The following ABLIM3 variants were observed in gnomAD, a reference collection of about 807,000 sequenced individuals.
The protein encoded by ABLIM3 is actin binding LIM protein family member 3, also known as actin-binding LIM protein 3.
Under a neutral mutation model 109.5 loss-of-function variants are expected in ABLIM3, and 61 were observed. That is an observed-to-expected ratio of 0.56 (90% CI 0.45 to 0.69). ABLIM3 has a LOEUF of 0.69. Ranked by LOEUF, ABLIM3 falls within the 30% of genes least tolerant of loss-of-function variation. The probability of loss-of-function intolerance (pLI) is 0.00; values close to 1 mark genes in which losing one functional copy is unlikely to be tolerated. For synonymous variants in ABLIM3, 300 were observed against 324.8 expected (o/e 0.92, Z 0.82); for missense variants, 796 against 889.5 (o/e 0.89, Z 1.34).
intron 13 of ABLIM3, 35 bp from the exon 14 acceptor site, chr5:149,240,641 T>C: frequency 6.4e-7 from 1 of 1,554,830 alleles, no homozygotes; most frequent in Non-Finnish European, 8.9e-7. Context: ...TCTGTGCCTC[T>C]GTTTTCTTTG....
intron 23 of ABLIM3, among the ~76,000 whole-genome samples, 161 bp from the exon 24 acceptor site, chr5:149,258,130 T>C (rs937790545): frequency 3.9e-5 from 6 of 152,186 alleles, no homozygotes; most frequent in African/African-American, 1.4e-4. Context: ...ATTCAACAAA[T>C]ATTCATCACA....
intron 21 of ABLIM3, 137 bp downstream of exon 21, chr5:149,251,556 T>C (rs1159207048): frequency 1.0e-6 from 1 of 957,460 alleles, no homozygotes; most frequent in East Asian, 2.7e-5. Flanking sequence ...GAGTTCTTAC[T>C]CTCTTTCACT....
At chr5:149,251,207 C>A in intron 20 of ABLIM3, 152 bp from the exon 21 acceptor site, 1 of 720,860 alleles carries the variant, frequency 1.4e-6, no homozygotes, top group Non-Finnish European at 2.5e-6. Flanking sequence ...AGGGATATAG[C>A]AGCGAGTTAA....
At chr5:149,208,096 G>C (rs559950170) in intron 6 of ABLIM3, among the ~76,000 whole-genome samples, 1 of 152,366 alleles carries the variant, frequency 6.6e-6, no homozygotes, top group South Asian at 2.1e-4. Flanking sequence ...AAACAGATAT[G>C]CTGCGTTCAT....
intron 4 of ABLIM3, among the ~76,000 whole-genome samples, chr5:149,199,821 C>T (rs976744700): frequency 4.6e-5 from 7 of 152,180 alleles, no homozygotes; most frequent in African/African-American, 1.7e-4. Context: ...TGAGACTCCC[C>T]AGCTGTGGAA....
At chr5:149,252,863 C>A (rs1207567443) in intron 23 of ABLIM3, 26 bp downstream of exon 23, 5 of 1,589,890 alleles carry the variant, frequency 3.1e-6, no homozygotes, top group Non-Finnish European at 4.3e-6. Flanking sequence ...TGAGCAGGAG[C>A]TCTTGGGTTG....
intron 10 of ABLIM3, among the ~76,000 whole-genome samples, chr5:149,236,020 G>T (rs765330879): frequency 2.0e-4 from 31 of 152,224 alleles, no homozygotes; most frequent in Non-Finnish European, 3.5e-4. Context: ...CAGCCAGCCA[G>T]GAAGGTTGCC....
intron 2 of ABLIM3, among the ~76,000 whole-genome samples, chr5:149,182,008 A>G (rs1756511100): frequency 1.3e-5 from 2 of 152,216 alleles, no homozygotes; most frequent in African/African-American, 4.8e-5. Context: ...AAGGCTTCCA[A>G]TTGGAAGGGA....
Position 149,179,495 on chromosome 5 carries a change from G to T in ABLIM3, c.14-3957G>T, listed in dbSNP as rs538464573. 1.0e-3 allele frequency among the ~76,000 whole-genome samples: 155 copies of T among 152,206 alleles called. 1 individual carries two copies. The highest frequency in any genetic ancestry group is 3.4e-3 in the African/African-American group (141 of 41,518). On this transcript the variant is annotated intron_variant, in intron 2 of 23. Coordinates refer to ENST00000309868, the MANE Select transcript of ABLIM3 (RefSeq NM_014945.5). ...TTGTTTCCAGATCAAATTCAGGATG[G>T]GTGAATGTGTAATTGGTTCCCATTG...
intron 3 of ABLIM3, among the ~76,000 whole-genome samples, chr5:149,197,600 C>A (rs1439549324): frequency 3.3e-5 from 5 of 152,190 alleles, no homozygotes; most frequent in Non-Finnish European, 5.9e-5. Flanking sequence ...TTCTAGACTT[C>A]AAATCATCCA....
At chr5:149,244,261 T>A (rs1161456201) in intron 15 of ABLIM3, 1 of 153,090 alleles carries the variant, frequency 6.5e-6, no homozygotes, top group East Asian at 1.9e-4. Flanking sequence ...AGCAGACCGA[T>A]TCTGACACTT....
chr5:149,216,763 G>A (rs1760130032), intron 7 of ABLIM3, 196 bp from the exon 8 acceptor site: 2 of 576,170 alleles, frequency 3.5e-6, no homozygotes, highest in Admixed American at 2.9e-5. Flanking sequence ...TGCCATCAGG[G>A]ATCCATGGAG....
At chr5:149,239,213 G>A (rs373770056) in intron 11 of ABLIM3, 35 bp from the exon 12 acceptor site, 112 of 1,612,334 alleles carry the variant, frequency 6.9e-5, no homozygotes, top group Middle Eastern at 1.6e-4. Context: ...CCTTCTGCTC[G>A]TTCCACAACT....
intron 5 of ABLIM3, among the ~76,000 whole-genome samples, chr5:149,202,286 G>A (rs10060106): frequency 0.061 from 9,326 of 152,240 alleles, 904 homozygotes; most frequent in African/African-American, 0.21. Flanking sequence ...TGATTAGGAG[G>A]TGGAAGAAGG....
At chr5:149,221,968 A>G (rs979302224) in intron 8 of ABLIM3, among the ~76,000 whole-genome samples, 2 of 152,200 alleles carry the variant, frequency 1.3e-5, no homozygotes, top group Admixed American at 1.3e-4. Context: ...GCACATTTTA[A>G]AACAATTCGC....
At chr5:149,176,553 C>T (rs922303584) in intron 2 of ABLIM3, among the ~76,000 whole-genome samples, 13 of 152,066 alleles carry the variant, frequency 8.5e-5, no homozygotes, top group African/African-American at 3.1e-4. Flanking sequence ...AACTGTGTGA[C>T]CTTGGACAAG....
intron 8 of ABLIM3, among the ~76,000 whole-genome samples, chr5:149,223,788 A>T (rs1760903628): frequency 1.3e-5 from 2 of 152,290 alleles, no homozygotes; most frequent in Middle Eastern, 6.8e-3. Flanking sequence ...GGAGACAGAG[A>T]CGGACAAGCA....
At position 149,142,121 on chromosome 5, in the gene ABLIM3, T is replaced by G. The variant is rs780603873; in HGVS notation, c.13+13T>G. 18 of 1,568,186 alleles carry G rather than the reference T, an allele frequency of 1.1e-5. No individual in the cohort carries two copies. The highest frequency in any genetic ancestry group is 5.1e-5 in the Admixed American group (3 of 58,460). On this transcript the variant is annotated intron_variant, in intron 2 of 23. Coordinates refer to ENST00000309868, the MANE Select transcript of ABLIM3 (RefSeq NM_014945.5). ...ATGAACACTAGCAGTAAGTGGATCCTCCTCTCCTTTGCCATGGGAACAGGG... is the reference window on the plus strand; with the variant it reads ...ATGAACACTAGCAGTAAGTGGATCCGCCTCTCCTTTGCCATGGGAACAGGG...
chr5:149,157,799 C>T (rs73798003), intron 2 of ABLIM3, among the ~76,000 whole-genome samples: 1 of 152,070 alleles, frequency 6.6e-6, no homozygotes, highest in Admixed American at 6.6e-5. Context: ...TATAGGAAAG[C>T]CCCTAATCCA....
Sources: allele counts gnomAD v4.1 joint callset (sites outside exome capture counted in the v4.1 genomes callset), GRCh38; gene constraint gnomAD v4.1.1; transcripts MANE v1.5; gene names NCBI Gene and HGNC (gene_info 2026-07-23, HGNC 2026-07-21).